BZW2: variants seen among roughly 807,000 people sequenced by gnomAD.
BZW2 encodes the protein basic leucine zipper and W2 domains 2.
A neutral mutation model predicts 53.2 loss-of-function variants in BZW2; 23 were observed. The ratio of observed to expected loss-of-function variants is 0.43; its 90% CI spans 0.31 to 0.61. The LOEUF is 0.61. Ranked by LOEUF, BZW2 falls within the 20% of genes least tolerant of loss-of-function variation. BZW2 has a pLI of 0.09. For missense variants in BZW2, 409 were observed against 503.1 expected, an observed-to-expected ratio of 0.81 and a Z score of 1.79; for synonymous variants, 227 against 186.4, an observed-to-expected ratio of 1.22 and a Z score of -1.77.
At chr7:16,646,554 G>A (rs4145344) in intron 1 of BZW2, among the ~76,000 whole-genome samples, 19,448 of 152,192 alleles carry the variant, frequency 0.13, 1,431 homozygotes, top group East Asian at 0.2. Flanking sequence ...GGCGGGCGGG[G>A]GCCAGCCACG....
Position 16,648,641 on chromosome 7 carries a change from T to G in BZW2, c.-8+2353T>G, listed in dbSNP as rs187058287. ...TGGCCACAGAATAGAGGGCTGGGTC[T>G]GGCCTGGAAGGTTCCAATCCATCCA... is the stretch of plus-strand genomic sequence containing the variant. On this transcript the variant is annotated intron_variant, in intron 1 of 11. Transcript: ENST00000258761. Among the ~76,000 whole-genome samples, 291 of 152,302 alleles carry G rather than the reference T, an allele frequency of 1.9e-3. 1 individual carries two copies. Among genetic ancestry groups the G allele is most frequent in the African/African-American group, 6.6e-3 (276 of 41,562 alleles).
At chr7:16,657,017 C>A (rs1031639311) in intron 1 of BZW2, among the ~76,000 whole-genome samples, 1 of 152,088 alleles carries the variant, frequency 6.6e-6, no homozygotes, top group Non-Finnish European at 1.5e-5. Flanking sequence ...TTGGAGTCAG[C>A]CATTTATCCA....
intron 10 of BZW2, 152 bp downstream of exon 10, chr7:16,698,338 C>T: frequency 9.5e-7 from 1 of 1,049,690 alleles, no homozygotes; most frequent in Non-Finnish European, 1.4e-6. Context: ...GGCAACCATA[C>T]CATGTAGAGA....
intron 1 of BZW2, 128 bp from the exon 2 acceptor site, chr7:16,665,309 A>G (rs952409964): frequency 1.2e-5 from 8 of 642,426 alleles, no homozygotes; most frequent in Admixed American, 3.4e-5. Context: ...GTCTCAATTG[A>G]AAAAAAAAAA....
Position 16,665,298 on chromosome 7 carries a change from T to A in BZW2, c.-7-139T>A, listed in dbSNP as rs7806389. The A allele has an allele frequency of 8.0e-6, 8 of 1,003,490 alleles. No individual in the cohort carries two copies. The African/African-American group carries it at 1.3e-4, about 16-fold the overall frequency. The allele number at this position is 1,003,490 out of a possible 1,614,324, so 62.2% of individuals were successfully genotyped here. On this transcript the variant is annotated intron_variant, in intron 1 of 11. Transcript: ENST00000258761. ...TCCCACCTGGGCGACAGCGAGACTC[T>A]GTCTCAATTGAAAAAAAAAAAGAGG...
intron 3 of BZW2, among the ~76,000 whole-genome samples, chr7:16,674,806 G>C (rs1415932392): frequency 6.6e-6 from 1 of 152,112 alleles, no homozygotes; most frequent in Non-Finnish European, 1.5e-5. Context: ...GGAGGACTTT[G>C]GTTGACGTTA....
At chr7:16,678,087 CTTTTTTTTTTTT>C (rs71007780) in intron 3 of BZW2, among the ~76,000 whole-genome samples, 1 of 66,912 alleles carries the variant, frequency 1.5e-5, no homozygotes, top group African/African-American at 5.5e-5. Flanking sequence ...TTCCATTGTT[CTTTTTTTTTTTT>C]TTTTTTTTTT....
chr7:16,700,897 C>G (rs1429442888), intron 10 of BZW2: 1 of 152,056 alleles, frequency 6.6e-6, no homozygotes, highest in Non-Finnish European at 1.5e-5. Context: ...TCATTTTTAT[C>G]TCTCTCTGAC....
intron 10 of BZW2, among the ~76,000 whole-genome samples, chr7:16,703,833 GATAGTT>G (rs1783748533): frequency 6.6e-6 from 1 of 152,162 alleles, no homozygotes; most frequent in Non-Finnish European, 1.5e-5. Context: ...TTAGACAAAA[GATAGTT>G]AACATTTTTT....
intron 2 of BZW2, among the ~76,000 whole-genome samples, chr7:16,672,217 T>C (rs1345133249): frequency 2.0e-5 from 3 of 152,190 alleles, no homozygotes; most frequent in Non-Finnish European, 2.9e-5. Context: ...CAATCTTTCA[T>C]TTCTGGGAGA....
chr7:16,702,419 C>T lies in BZW2; in HGVS notation c.1109-2128C>T, dbSNP rs10274401. ...GGGTTCTTCTAAGAACTCCACATTG[C>T]GCCGTTAATATGTAGACTTATTTTA... On this transcript the variant is annotated intron_variant, in intron 10 of 11. Coordinates refer to ENST00000258761, the MANE Select transcript of BZW2 (RefSeq NM_014038.3). Among the ~76,000 whole-genome samples, 757 of 152,228 alleles carry T rather than the reference C, an allele frequency of 5.0e-3. 7 individuals carry two copies. Among genetic ancestry groups the T allele is most frequent in the African/African-American group, 0.017 (712 of 41,540 alleles).
chr7:16,672,871 T>G (rs1782648086), intron 2 of BZW2, among the ~76,000 whole-genome samples: 1 of 151,108 alleles, frequency 6.6e-6, no homozygotes, highest in Non-Finnish European at 1.5e-5. Context: ...TGCAGACTCA[T>G]GTGTCCATTT....
At chr7:16,697,686 C>A (rs893022599) in intron 9 of BZW2, among the ~76,000 whole-genome samples, 5 of 152,164 alleles carry the variant, frequency 3.3e-5, no homozygotes, top group African/African-American at 1.2e-4. Context: ...TCCCTGTACC[C>A]ACTAAGAGAC....
chr7:16,670,750 C>T (rs1293288256), intron 2 of BZW2, among the ~76,000 whole-genome samples: 1 of 152,140 alleles, frequency 6.6e-6, no homozygotes, highest in African/African-American at 2.4e-5. Flanking sequence ...TTTCCTCCCC[C>T]TCTACACAAC....
At position 16,681,367 on chromosome 7, in the gene BZW2, C is replaced by G. The variant is rs1337975897; in HGVS notation, c.302C>G (p.Ala101Gly). The G allele has an allele frequency of 6.2e-7, 1 of 1,613,862 alleles. No individual in the cohort carries two copies. Among genetic ancestry groups the G allele is most frequent in the Non-Finnish European group, 8.5e-7 (1 of 1,179,934 alleles). Reference sequence around the variant, plus strand: ...ATGACCAACCACTGTGTGTTTTCAGCAAATGAAGATCATGAAACCATCCGA... The same window carrying G: ...ATGACCAACCACTGTGTGTTTTCAGGAAATGAAGATCATGAAACCATCCGA... ...TKMTNHCVFS[A>G]NEDHETIRNY... Residue 101 changes from alanine (A) to glycine (G), a missense_variant, in exon 4 of 12, where the codon GCA (alanine) becomes GGA (glycine). Around this residue, in one of 3 missense-constraint regions of BZW2, gnomAD observed 316 missense variants for 366.8 expected, o/e 0.86. Transcript: ENST00000258761.
chr7:16,691,361 C>A (rs1004207893), intron 7 of BZW2, among the ~76,000 whole-genome samples: 2 of 152,172 alleles, frequency 1.3e-5, no homozygotes, highest in African/African-American at 4.8e-5. Flanking sequence ...GAATAGGTTG[C>A]TGAGGAAGGT....
intron 3 of BZW2, among the ~76,000 whole-genome samples, chr7:16,679,737 A>G (rs1782879829): frequency 1.3e-5 from 2 of 152,202 alleles, no homozygotes; most frequent in South Asian, 4.1e-4. Flanking sequence ...TTTGACTATT[A>G]TTGTATCCTT....
In BZW2 at chr7:16,685,876, CTTTTTTTTT is replaced by C. The variant is rs34699573; in HGVS notation, c.406-18_406-10del. 3.5e-3 allele frequency: 4,547 copies of C among 1,294,574 alleles called. 10 individuals carry two copies. Among genetic ancestry groups the C allele is most frequent in the Non-Finnish European group, 4.1e-3 (4,117 of 1,008,966 alleles). The allele number at this position is 1,294,574 out of a possible 1,614,324, so 80.2% of individuals were successfully genotyped here. On this transcript the variant is annotated intron_variant, in intron 5 of 11. Coordinates refer to ENST00000258761, the MANE Select transcript of BZW2 (RefSeq NM_014038.3). Reference sequence around the variant, plus strand: ...TTCCTTTTTTTTTCTTTTTCTTTTTCTTTTTTTTTTTTTTTTTTTGACCCACAGCTTCTC... The same window carrying C: ...TTCCTTTTTTTTTCTTTTTCTTTTTCTTTTTTTTTTGACCCACAGCTTCTC...
At chr7:16,701,180 G>A (rs1202778733) in intron 10 of BZW2, among the ~76,000 whole-genome samples, 1 of 152,146 alleles carries the variant, frequency 6.6e-6, no homozygotes, top group Non-Finnish European at 1.5e-5. Flanking sequence ...TTAAAATCTA[G>A]ATTTGCATAT....
Sources: allele counts gnomAD v4.1 joint callset (sites outside exome capture counted in the v4.1 genomes callset), GRCh38; gene constraint gnomAD v4.1.1; regional missense constraint gnomAD v4.1.1; transcripts MANE v1.5; gene names NCBI Gene and HGNC (gene_info 2026-07-23, HGNC 2026-07-21).